ASZ1: variants seen among roughly 807,000 people sequenced by gnomAD.
ASZ1 encodes the protein ankyrin repeat, SAM and basic leucine zipper domain-containing protein 1.
In ASZ1, 67 loss-of-function variants were observed where a neutral mutation model predicts 61.8. The ratio of observed to expected loss-of-function variants is 1.08; its 90% CI spans 0.89 to 1.33. The LOEUF is 1.33. Among genes scored for constraint, ASZ1 ranks in the 40% most tolerant of loss-of-function variants. The probability of loss-of-function intolerance (pLI) is 0.00; values close to 1 mark genes in which losing one functional copy is unlikely to be tolerated. For missense variants in ASZ1, 577 were observed against 554.5 expected, an observed-to-expected ratio of 1.04 and a Z score of -0.41; for synonymous variants, 193 against 192.7, an observed-to-expected ratio of 1.00 and a Z score of -0.01.
At chr7:117,389,498 C>T (rs1475370225) in intron 4 of ASZ1, among the ~76,000 whole-genome samples, 1 of 152,112 alleles carries the variant, frequency 6.6e-6, no homozygotes, top group Non-Finnish European at 1.5e-5. Flanking sequence ...GCTTGCTTAT[C>T]TAATTATGTG....
At chr7:117,412,512 G>A (rs1006636913) in intron 4 of ASZ1, among the ~76,000 whole-genome samples, 6 of 151,792 alleles carry the variant, frequency 4.0e-5, no homozygotes, top group African/African-American at 1.4e-4. Flanking sequence ...CTAAATTTAT[G>A]TTCTGAGAAA....
chr7:117,409,946 G>C (rs1336894959), intron 4 of ASZ1, among the ~76,000 whole-genome samples: 1 of 151,664 alleles, frequency 6.6e-6, no homozygotes, highest in Non-Finnish European at 1.5e-5. Context: ...TTAGGAACAT[G>C]CAAAATTTTC....
chr7:117,410,484 T>C (rs1215295733), intron 4 of ASZ1, among the ~76,000 whole-genome samples: 12 of 151,578 alleles, frequency 7.9e-5, no homozygotes, highest in Non-Finnish European at 4.4e-5. Flanking sequence ...TATAATACAA[T>C]TTTACAATAA....
intron 4 of ASZ1, among the ~76,000 whole-genome samples, chr7:117,391,607 T>C (rs1796469832): frequency 6.6e-6 from 1 of 152,006 alleles, no homozygotes; most frequent in Non-Finnish European, 1.5e-5. Flanking sequence ...TGAAGATTAG[T>C]TGGTTGTTGG....
intron 4 of ASZ1, among the ~76,000 whole-genome samples, chr7:117,390,884 A>G (rs966499903): frequency 6.6e-6 from 1 of 151,752 alleles, no homozygotes; most frequent in Non-Finnish European, 1.5e-5. Context: ...TTGTATTTTT[A>G]GTAGACACTG....
chr7:117,394,058 ATAT>A (rs1216681850), intron 4 of ASZ1, among the ~76,000 whole-genome samples: 2 of 152,158 alleles, frequency 1.3e-5, no homozygotes, highest in Non-Finnish European at 2.9e-5. Flanking sequence ...CAAACTTATT[ATAT>A]GATGGAAATT....
At chr7:117,377,371 T>C (rs1357473715) in intron 10 of ASZ1, among the ~76,000 whole-genome samples, 1 of 151,566 alleles carries the variant, frequency 6.6e-6, no homozygotes, top group Non-Finnish European at 1.5e-5. Flanking sequence ...TACAAAAAAG[T>C]TCAAAAATTA....
rs60144830 is a variant in ASZ1 at position 117,423,689 on chromosome 7, CAAAAAAA to C, written c.206-1337_206-1331del. On this transcript the variant is annotated intron_variant, in intron 2 of 12. Transcript: ENST00000284629. ...TGAAACCCTGTTTCTACTAAAAATACAAAAAAAAAAAAAAAAAAAAAAATTAGCCAGG... is the reference window on the plus strand; with the variant it reads ...TGAAACCCTGTTTCTACTAAAAATACAAAAAAAAAAAAAAAATTAGCCAGG... Among the ~76,000 whole-genome samples the C allele has an allele frequency of 3.5e-3, 268 of 76,488 alleles. 3 individuals are homozygous for C. Among genetic ancestry groups the C allele is most frequent in the South Asian group, 0.028 (63 of 2,278 alleles). 50.2% of individuals were successfully genotyped at this position (76,488 alleles called of 152,430 possible). A position where few individuals can be genotyped will look rare whatever the true frequency, so the allele number is the denominator to read the frequency against.
At chr7:117,395,847 T>C (rs1331093588) in intron 4 of ASZ1, among the ~76,000 whole-genome samples, 1 of 152,158 alleles carries the variant, frequency 6.6e-6, no homozygotes, top group Non-Finnish European at 1.5e-5. Flanking sequence ...ATTTTTTCTG[T>C]AAAGGGCAAG....
chr7:117,412,044 G>GTATGTA (rs762680733), intron 4 of ASZ1, among the ~76,000 whole-genome samples: 84 of 125,638 alleles, frequency 6.7e-4, no homozygotes, highest in East Asian at 2.1e-3. Context: ...AAAGAAGTGT[G>GTATGTA]TGTGTGTGTG....
intron 2 of ASZ1, among the ~76,000 whole-genome samples, chr7:117,424,491 A>G (rs897067222): frequency 3.9e-5 from 6 of 152,322 alleles, no homozygotes; most frequent in Admixed American, 3.9e-4. Flanking sequence ...CTATATCTCT[A>G]TTACTGCCTT....
chr7:117,383,138 T>C (rs1796286940), intron 6 of ASZ1, 28 bp from the exon 7 acceptor site: 2 of 1,510,318 alleles, frequency 1.3e-6, no homozygotes, highest in Admixed American at 2.2e-5. Context: ...CATTCAAATA[T>C]AATTAACATT....
At chr7:117,421,294 C>T (rs1797095182) in intron 3 of ASZ1, among the ~76,000 whole-genome samples, 1 of 152,070 alleles carries the variant, frequency 6.6e-6, no homozygotes, top group African/African-American at 2.4e-5. Flanking sequence ...CTCACTGCAA[C>T]CTCGAACTCC....
At chr7:117,390,609 C>T (rs947880360) in intron 4 of ASZ1, among the ~76,000 whole-genome samples, 3 of 152,184 alleles carry the variant, frequency 2.0e-5, no homozygotes, top group African/African-American at 7.2e-5. Flanking sequence ...TGAGAAATCT[C>T]CAAACTGTTT....
chr7:117,382,116 C>G lies in ASZ1; in HGVS notation c.841G>C (p.Val281Leu). ...SSYTAFGDLEVFLHGLGLEHM... is the reference protein window; with the variant it reads ...SSYTAFGDLELFLHGLGLEHM... The stretch of plus-strand genomic sequence containing the variant: ...TCAAGTCCAAGACCATGTAAAAATA[C>G]TTCCAGATCTCCAAATGCTGTATAT... The change falls in exon 8 of 13, where the codon GTA (valine) becomes CTA (leucine). Residue 281 changes from valine to leucine, a missense_variant. Coordinates refer to ENST00000284629, the MANE Select transcript of ASZ1 (RefSeq NM_130768.3). The G allele has an allele frequency of 6.3e-7, 1 of 1,599,980 alleles. No homozygotes were observed. The highest frequency in any genetic ancestry group is 1.3e-5 in the African/African-American group (1 of 74,644).
At chr7:117,376,946 G>GA (rs1012692387) in intron 10 of ASZ1, among the ~76,000 whole-genome samples, 5 of 151,270 alleles carry the variant, frequency 3.3e-5, no homozygotes, top group African/African-American at 1.2e-4. Context: ...TGCCATGAGG[G>GA]AAAAAAAAGG....
intron 10 of ASZ1, among the ~76,000 whole-genome samples, chr7:117,373,144 A>C (rs193084943): frequency 2.0e-4 from 31 of 152,330 alleles, no homozygotes; most frequent in Non-Finnish European, 2.9e-4. Context: ...AAAGAGTCTA[A>C]ACAGGAACAG....
Position 117,422,261 on chromosome 7 carries a change from C to A in ASZ1, c.304G>T (p.Gly102Cys), listed in dbSNP as rs766424624. The A allele has an allele frequency of 6.2e-7, 1 of 1,613,702 alleles. No individual in the cohort carries two copies. The highest frequency in any genetic ancestry group is 8.5e-7 in the Non-Finnish European group (1 of 1,179,922). ...AELVRVLLDR[G>C]ANASFEKDKQ... is the part of the protein sequence containing the mutation. Reference sequence around the variant, plus strand: ...CCCTTCTCAAAGCTTGCATTAGCACCTCTGTCCAAAAGGACCCGAACCAGC... The same window carrying A: ...CCCTTCTCAAAGCTTGCATTAGCACATCTGTCCAAAAGGACCCGAACCAGC... The change falls in exon 3 of 13, where the codon GGT (glycine) becomes TGT (cysteine). Residue 102 changes from glycine to cysteine, a missense_variant. Gly to Cys is a radical substitution (Grantham distance 159, BLOSUM62 -3). Coordinates refer to ENST00000284629, the MANE Select transcript of ASZ1 (RefSeq NM_130768.3).
chr7:117,385,937 A>C (rs1397429876), intron 4 of ASZ1, 128 bp from the exon 5 acceptor site: 1 of 737,570 alleles, frequency 1.4e-6, no homozygotes, highest in Non-Finnish European at 2.2e-6. Flanking sequence ...GCTTTTGCTA[A>C]ATCAGGTGAT....
Sources: allele counts gnomAD v4.1 joint callset (sites outside exome capture counted in the v4.1 genomes callset), GRCh38; gene constraint gnomAD v4.1.1; transcripts MANE v1.5; gene names NCBI Gene and HGNC (gene_info 2026-07-23, HGNC 2026-07-21).